DYRK4: variants seen among roughly 807,000 people sequenced by gnomAD.
The protein encoded by DYRK4 is dual specificity tyrosine phosphorylation regulated kinase 4.
A neutral mutation model predicts 68.3 loss-of-function variants in DYRK4; 64 were observed. The observed-to-expected ratio is 0.94, with a 90% CI of 0.77 to 1.15. The LOEUF (loss-of-function observed/expected upper bound fraction) is 1.15, where lower values mean the gene tolerates loss of function less well. Ranked by LOEUF, DYRK4 falls within the 50% of genes most tolerant of loss-of-function variation. The probability of loss-of-function intolerance (pLI) is 0.00; values close to 1 mark genes in which losing one functional copy is unlikely to be tolerated. For missense variants in DYRK4, 740 were observed against 764.7 expected (o/e 0.97, Z 0.38); for synonymous variants, 274 against 289.9 (o/e 0.95, Z 0.56).
intron 10 of DYRK4, chr12:4,602,193 T>C: frequency 1.2e-6 from 1 of 808,750 alleles, no homozygotes; most frequent in South Asian, 1.4e-5. Flanking sequence ...TTTTACTTAC[T>C]CTGCTGTTCA....
intron 2 of DYRK4, among the ~76,000 whole-genome samples, chr12:4,586,105 C>G (rs1944893776): frequency 6.6e-6 from 1 of 152,124 alleles, no homozygotes; most frequent in African/African-American, 2.4e-5. Context: ...CACCTGTAGT[C>G]CCAGCTACTT....
chr12:4,596,175 C>T lies in DYRK4; in HGVS notation c.654C>T (p.Arg218=). The T allele has an allele frequency of 6.2e-7, 1 of 1,614,208 alleles. No individual in the cohort carries two copies. Among genetic ancestry groups the T allele is most frequent in the Non-Finnish European group, 8.5e-7 (1 of 1,180,038 alleles). The stretch of plus-strand genomic sequence containing the variant: ...TCCTGCATGATCACATTGCCTACCG[C>T]TATGAAGTTCTGGAGACAATCGGGA... The part of the protein sequence containing the change: ...LKVLHDHIAY[R]YEVLETIGKG... The change falls in exon 7 of 15, where the codon CGC becomes CGT. Residue 218 remains arginine (R), a synonymous_variant. Transcript: ENST00000543431.
chr12:4,571,154 G>A lies in DYRK4; in HGVS notation c.132+3106G>A, dbSNP rs376720325. Among the ~76,000 whole-genome samples, 19 of 152,332 alleles carry A rather than the reference G, an allele frequency of 1.2e-4. No individual in the cohort carries two copies. In the East Asian group the frequency reaches 3.3e-3, roughly 26 times the overall value. On this transcript the variant is annotated intron_variant, in intron 2 of 14. Coordinates refer to ENST00000543431, the MANE Select transcript of DYRK4 (RefSeq NM_001394779.1). ...CACAGCTTAGGCTATGCCAGGAAGA[G>A]AACCTGGGAGAGAGTCCTAGGGAGG...
At chr12:4,569,064 G>A (rs1192495356) in intron 2 of DYRK4, among the ~76,000 whole-genome samples, 4 of 152,192 alleles carry the variant, frequency 2.6e-5, no homozygotes, top group South Asian at 4.1e-4. Context: ...TTAAAATTAT[G>A]ACTTTAGGTT....
Position 4,613,050 on chromosome 12 carries a change from C to G in DYRK4, c.1666+332C>G, listed in dbSNP as rs1945244301. 6.6e-6 allele frequency among the ~76,000 whole-genome samples: 1 copy of G among 152,204 alleles called. No homozygotes were observed. Among genetic ancestry groups the G allele is most frequent in the East Asian group, 1.9e-4 (1 of 5,200 alleles). Reference sequence around the variant, plus strand: ...GGATTTTCCATTTTTCTCCTATAATCAATTTCCTTTCTCCTCCTCCCTTTT... The same window carrying G: ...GGATTTTCCATTTTTCTCCTATAATGAATTTCCTTTCTCCTCCTCCCTTTT... On this transcript the variant is annotated intron_variant, in intron 14 of 14. Coordinates refer to ENST00000543431, the MANE Select transcript of DYRK4 (RefSeq NM_001394779.1). The surrounding 1 kb of genome is among the most constrained non-coding windows in gnomAD (Gnocchi z 4.0).
intron 13 of DYRK4, among the ~76,000 whole-genome samples, chr12:4,611,212 A>G (rs1277873639): frequency 6.6e-6 from 1 of 152,206 alleles, no homozygotes; most frequent in Non-Finnish European, 1.5e-5. Context: ...AGGGTGAACC[A>G]TGAGGTAATG....
chr12:4,612,507 AAAC>A, intron 13 of DYRK4, 33 bp from the exon 14 acceptor site: 1 of 1,571,340 alleles, frequency 6.4e-7, no homozygotes, highest in South Asian at 1.2e-5. Context: ...AAAGGAAATA[AAAC>A]AATAACCCAT....
In DYRK4 at chr12:4,596,929, C is replaced by A. The variant is rs534727235; in HGVS notation, c.905+200C>A. The A allele has an allele frequency of 1.1e-5, 16 of 1,424,950 alleles. No homozygotes were observed. The African/African-American group carries it at 2.2e-4, about 19-fold the overall frequency. The allele number at this position is 1,424,950 out of a possible 1,614,324, so 88.3% of individuals were successfully genotyped here. ...CCATCTTGGTATGCCTGTCACCTGC[C>A]AGCATACCCATGATGTACTTCCCTG... is the stretch of plus-strand genomic sequence containing the variant. On this transcript the variant is annotated intron_variant, in intron 8 of 14. Transcript: ENST00000543431.
chr12:4,567,653 T>C (rs1194867226), intron 1 of DYRK4, among the ~76,000 whole-genome samples: 1 of 152,226 alleles, frequency 6.6e-6, no homozygotes, highest in Non-Finnish European at 1.5e-5. Flanking sequence ...ATATTATGTT[T>C]GTGGCAAAAG....
At chr12:4,609,783 T>A (rs750626544) in intron 12 of DYRK4, among the ~76,000 whole-genome samples, 5 of 152,250 alleles carry the variant, frequency 3.3e-5, no homozygotes, top group Non-Finnish European at 2.9e-5. Flanking sequence ...TTTGTACAAT[T>A]TCACAGGACC....
chr12:4,591,044 TG>T lies in DYRK4; in HGVS notation c.325-114del. ...TGTCTCTTAATCGCTGTTTTCTCCC[TG>T]GAGAGGTAGGTAAAGAGCCTGGCTG... On this transcript the variant is annotated intron_variant, in intron 4 of 14. Transcript: ENST00000543431. This position sits in a 1 kb window ranked among gnomAD's most constrained non-coding sequence, Gnocchi z 4.1. The T allele has an allele frequency of 8.0e-7, 1 of 1,252,314 alleles. No homozygotes were observed. The highest frequency in any genetic ancestry group is 1.1e-6 in the Non-Finnish European group (1 of 905,594). The allele number at this position is 1,252,314 out of a possible 1,614,324, so 77.6% of individuals were successfully genotyped here.
intron 11 of DYRK4, 61 bp downstream of exon 11, chr12:4,605,147 G>A: frequency 6.7e-7 from 1 of 1,497,742 alleles, no homozygotes; most frequent in Non-Finnish European, 9.1e-7. Flanking sequence ...TCAGACACGG[G>A]GCTGCACCAG....
In DYRK4 at chr12:4,585,081, T is replaced by C. The variant is rs544691240; in HGVS notation, c.133-3856T>C. On this transcript the variant is annotated intron_variant, in intron 2 of 14. Coordinates refer to ENST00000543431, the MANE Select transcript of DYRK4 (RefSeq NM_001394779.1). ...ACCCGCCATCAGCCTGCCTGTGGCA[T>C]GTCACCGCAGTGTTCAGATCCTATG... Among the ~76,000 whole-genome samples, 22 of 152,302 alleles carry C rather than the reference T, an allele frequency of 1.4e-4. No homozygotes were observed. In the South Asian group the frequency reaches 1.4e-3, roughly 10 times the overall value.
chr12:4,599,740 T>C lies in DYRK4; in HGVS notation c.1078T>C (p.Ser360Pro). Residue 360 changes from serine to proline, a missense_variant, in exon 10 of 15, where the codon TCT becomes CCT. By Grantham distance (74) the Ser-to-Pro change is moderately conservative. Coordinates refer to ENST00000543431, the MANE Select transcript of DYRK4 (RefSeq NM_001394779.1). ...NIVLYQKGQA[S>P]VKVIDFGSSC... ...AGTGCTATACCAAAAGGGCCAAGCC[T>C]CTGTTAAAGTCATTGACTTTGGATC... 6.2e-7 allele frequency: 1 copy of C among 1,614,136 alleles called. No individual in the cohort carries two copies. The highest frequency in any genetic ancestry group is 8.5e-7 in the Non-Finnish European group (1 of 1,179,988).
chr12:4,586,050 CAAAAAT>C (rs1215025268), intron 2 of DYRK4, among the ~76,000 whole-genome samples: 3 of 152,088 alleles, frequency 2.0e-5, no homozygotes, highest in South Asian at 2.1e-4. Context: ...CTGTCTCTAC[CAAAAAT>C]AAAAATAAAA....
chr12:4,584,232 G>A (rs1428518794), intron 2 of DYRK4, among the ~76,000 whole-genome samples: 1 of 152,176 alleles, frequency 6.6e-6, no homozygotes, highest in East Asian at 1.9e-4. Flanking sequence ...CTACTGCTAG[G>A]GAGGCTGGAC....
chr12:4,590,746 CT>C, intron 4 of DYRK4: 1 of 433,016 alleles, frequency 2.3e-6, no homozygotes, highest in Non-Finnish European at 3.8e-6. Context: ...CCTCCTACTT[CT>C]TTTGTGTAGG....
intron 5 of DYRK4, chr12:4,592,796 C>T (rs564294510): frequency 1.5e-5 from 8 of 522,828 alleles, no homozygotes; most frequent in South Asian, 9.7e-5. Context: ...GTTCCTTTCT[C>T]GATTTGTTGA....
At chr12:4,600,810 G>A (rs566990024) in intron 10 of DYRK4, among the ~76,000 whole-genome samples, 33 of 151,860 alleles carry the variant, frequency 2.2e-4, no homozygotes, top group Admixed American at 4.6e-4. Flanking sequence ...TTATGAAGGC[G>A]TCATCACATA....
Sources: gnomAD v4.1 joint callset for allele counts (sites outside exome capture counted in the v4.1 genomes callset) on GRCh38, gnomAD v4.1.1 for gene constraint, Gnocchi (gnomAD v3.1) non-coding constraint, MANE v1.5 for transcripts, NCBI Gene and HGNC (gene_info 2026-07-23, HGNC 2026-07-21) for gene names.